Variants in GRIK2 observed in about 807,000 individuals in gnomAD.
GRIK2 encodes the protein glutamate receptor ionotropic, kainate 2.
Under a neutral mutation model 100.3 loss-of-function variants are expected in GRIK2, and 32 were observed. The ratio of observed to expected loss-of-function variants is 0.32; its 90% CI spans 0.24 to 0.43. The LOEUF (loss-of-function observed/expected upper bound fraction) is 0.43. Ranked by LOEUF, GRIK2 falls within the 20% of genes least tolerant of loss-of-function variation. GRIK2 has a pLI of 1.00. For synonymous variants in GRIK2, 417 were observed against 389.4 expected (o/e 1.07, Z -0.83); for missense variants, 843 against 1,114.9 (o/e 0.76, Z 3.47).
intron 12 of GRIK2, chr6:101,891,516 CAAAA>C (rs5878701): frequency 4.6e-3 from 897 of 196,224 alleles, no homozygotes; most frequent in Admixed American, 5.4e-3. Flanking sequence ...GACTCCATCT[CAAAA>C]AAAAAAAAAA....
At chr6:101,457,623 C>T (rs1476737989) in intron 2 of GRIK2, among the ~76,000 whole-genome samples, 1 of 152,004 alleles carries the variant, frequency 6.6e-6, no homozygotes, top group Admixed American at 6.6e-5. Context: ...TAATCTATAG[C>T]CTATTGAAAT....
chr6:101,434,217 T>C (rs1187891566), intron 2 of GRIK2, among the ~76,000 whole-genome samples: 5 of 152,142 alleles, frequency 3.3e-5, no homozygotes, highest in African/African-American at 1.2e-4. Flanking sequence ...CATGCTCCAA[T>C]TGGAGGTGAG....
chr6:101,560,120 C>A (rs1414025052), intron 2 of GRIK2, among the ~76,000 whole-genome samples: 2 of 152,018 alleles, frequency 1.3e-5, no homozygotes, highest in Non-Finnish European at 2.9e-5. Context: ...TCCTTAGAAC[C>A]CAATACCCCT....
chr6:101,968,832 G>A (rs1462838382), intron 14 of GRIK2, among the ~76,000 whole-genome samples: 2 of 151,776 alleles, frequency 1.3e-5, no homozygotes, highest in Non-Finnish European at 2.9e-5. Context: ...TCTAAAATGA[G>A]GATACTGTAA....
At chr6:101,548,976 G>A (rs1157761502) in intron 2 of GRIK2, among the ~76,000 whole-genome samples, 1 of 152,040 alleles carries the variant, frequency 6.6e-6, no homozygotes, top group Non-Finnish European at 1.5e-5. Context: ...TGATCTCTTG[G>A]AAGAGGCCAG....
At chr6:101,873,754 C>G (rs1582428420) in intron 11 of GRIK2, among the ~76,000 whole-genome samples, 1 of 151,880 alleles carries the variant, frequency 6.6e-6, no homozygotes, top group South Asian at 2.1e-4. Flanking sequence ...CTCTCCAGCA[C>G]CTGTTGTTTC....
chr6:101,499,787 C>A (rs568517467), intron 2 of GRIK2, among the ~76,000 whole-genome samples: 5 of 152,012 alleles, frequency 3.3e-5, no homozygotes, highest in Admixed American at 2.6e-4. Flanking sequence ...AGCATATACG[C>A]GTTGTAAGAT....
intron 10 of GRIK2, among the ~76,000 whole-genome samples, chr6:101,832,865 T>G (rs555601264): frequency 1.9e-3 from 285 of 152,298 alleles, no homozygotes; most frequent in African/African-American, 6.7e-3. Flanking sequence ...ATGAAAGCTA[T>G]CCTCATTACT....
In GRIK2 at chr6:101,713,758, T is replaced by G. The variant is rs572514542; in HGVS notation, c.951+27405T>G. On this transcript the variant is annotated intron_variant, in intron 7 of 16. Coordinates refer to ENST00000369134, the MANE Select transcript of GRIK2 (RefSeq NM_021956.5). ...AGAAATAGTCAAATTTATAATTACATTTGTGACAGAAAGGTGAACCTTCTA... is the reference window on the plus strand; with the variant it reads ...AGAAATAGTCAAATTTATAATTACAGTTGTGACAGAAAGGTGAACCTTCTA... Among the ~76,000 whole-genome samples, 3 of 151,908 alleles carry G rather than the reference T, an allele frequency of 2.0e-5. No homozygotes were observed. The South Asian group carries it at 6.2e-4, about 31-fold the overall frequency.
intron 2 of GRIK2, among the ~76,000 whole-genome samples, chr6:101,465,653 C>T (rs1053741365): frequency 6.6e-6 from 1 of 152,154 alleles, no homozygotes; most frequent in African/African-American, 2.4e-5. Context: ...TCTTGTTGAG[C>T]TGCCTAGATG....
intron 14 of GRIK2, among the ~76,000 whole-genome samples, chr6:102,033,453 C>A (rs902388050): frequency 6.6e-6 from 1 of 151,222 alleles, no homozygotes. Flanking sequence ...TCATGCTATT[C>A]GGAGATAGGC....
chr6:101,786,916 G>A (rs1035791218), intron 7 of GRIK2, among the ~76,000 whole-genome samples: 3 of 152,018 alleles, frequency 2.0e-5, no homozygotes. Flanking sequence ...TAAAAGTTAG[G>A]TAGAATATGG....
intron 15 of GRIK2, among the ~76,000 whole-genome samples, chr6:102,042,555 G>GTAGT (rs1770646511): frequency 6.6e-6 from 1 of 151,570 alleles, no homozygotes. Context: ...TAAAGGATGG[G>GTAGT]TAGTTCACTG....
chr6:101,997,120 A>T (rs1007220948), intron 14 of GRIK2, among the ~76,000 whole-genome samples: 4 of 152,222 alleles, frequency 2.6e-5, no homozygotes, highest in Admixed American at 1.3e-4. Context: ...TAAGAAAAAA[A>T]TTACAATAAC....
chr6:101,560,168 C>T (rs1269261568), intron 2 of GRIK2, among the ~76,000 whole-genome samples: 2 of 152,100 alleles, frequency 1.3e-5, no homozygotes, highest in African/African-American at 4.8e-5. Flanking sequence ...TGTGGAAGAG[C>T]ATCACTCGCC....
rs570102473 is a variant in GRIK2, at chr6:101,466,607, A to C, written c.115+67215A>C. ...GCTGCTTTTTTCTAAAAAAAAAAAA[A>C]AGCTTTTTCTGTGTTCACATTTGTC... On this transcript the variant is annotated intron_variant, in intron 2 of 16. Coordinates refer to ENST00000369134, the MANE Select transcript of GRIK2 (RefSeq NM_021956.5). 9.9e-3 allele frequency among the ~76,000 whole-genome samples: 1,492 copies of C among 150,216 alleles called. 10 individuals carry two copies. The highest frequency in any genetic ancestry group is 0.012 in the Non-Finnish European group (826 of 67,134).
rs79211290 is a variant in GRIK2 at position 101,430,036 on chromosome 6, A to G, written c.115+30644A>G. ...TTCAGGAGCTCTTGCCAGCCTTTAG[A>G]GAAATCCTGGAACACTGAGCTCTGA... On this transcript the variant is annotated intron_variant, in intron 2 of 16. Coordinates refer to ENST00000369134, the MANE Select transcript of GRIK2 (RefSeq NM_021956.5). Among the ~76,000 whole-genome samples, 688 of 152,288 alleles carry G rather than the reference A, an allele frequency of 4.5e-3. 5 individuals are homozygous for G. The highest frequency in any genetic ancestry group is 0.016 in the African/African-American group (669 of 41,556).
rs138774364 is a variant in GRIK2, at chr6:101,484,538, TACACACACACAC to T, written c.115+85166_115+85177del. On this transcript the variant is annotated intron_variant, in intron 2 of 16. Coordinates refer to ENST00000369134, the MANE Select transcript of GRIK2 (RefSeq NM_021956.5). The stretch of plus-strand genomic sequence containing the variant: ...AACATTTAAAATGTATATATGTAAC[TACACACACACAC>T]ACACACACACACACACACATATATA... Among the ~76,000 whole-genome samples, 74 of 148,142 alleles carry T rather than the reference TACACACACACAC, an allele frequency of 5.0e-4. No homozygotes were observed. The South Asian group carries it at 0.014, about 27-fold the overall frequency.
intron 4 of GRIK2, among the ~76,000 whole-genome samples, chr6:101,651,919 G>C (rs966455652): frequency 6.6e-6 from 1 of 152,128 alleles, no homozygotes; most frequent in Non-Finnish European, 1.5e-5. Context: ...GAGATGACAG[G>C]AAATGATCTC....
Sources: gnomAD v4.1 joint callset for allele counts (sites outside exome capture counted in the v4.1 genomes callset) on GRCh38, gnomAD v4.1.1 for gene constraint, MANE v1.5 for transcripts, NCBI Gene and HGNC (gene_info 2026-07-23, HGNC 2026-07-21) for gene names.